SHISA9: variants seen among roughly 807,000 people sequenced by gnomAD.
The protein encoded by SHISA9 is shisa family member 9.
A neutral mutation model predicts 38.0 loss-of-function variants in SHISA9; 13 were observed. The observed-to-expected ratio is 0.34, with a 90% CI of 0.22 to 0.54. SHISA9 has a LOEUF of 0.54. SHISA9 is among the 20% of genes least tolerant of loss of function. The pLI, the probability that SHISA9 is intolerant of heterozygous loss-of-function variation, is 0.91. For missense variants in SHISA9, 538 were observed against 575.8 expected (o/e 0.93, Z 0.67); for synonymous variants, 275 against 242.0 (o/e 1.14, Z -1.27).
At chr16:13,545,587 G>T in the SHISA9 span, among the ~76,000 whole-genome samples, 3,201 of 152,242 alleles carry the variant, frequency 0.021, 50 homozygotes, top group Non-Finnish European at 0.031. Flanking sequence ...CATTGCTTCT[G>T]CTTGAGGTCT....
At chr16:13,486,649 C>G in the SHISA9 span, among the ~76,000 whole-genome samples, 1 of 152,134 alleles carries the variant, frequency 6.6e-6, no homozygotes, top group Admixed American at 6.5e-5. Context: ...TACTCTAGAG[C>G]CTAGCATAGC....
At chr16:13,473,652 T>TACTGCCAATTGCCTACCTA in the SHISA9 span, among the ~76,000 whole-genome samples, 1 of 152,206 alleles carries the variant, frequency 6.6e-6, no homozygotes, top group Non-Finnish European at 1.5e-5. Context: ...CTCCAGAAGA[T>TACTGCCAATTGCCTACCTA]ACTGCCAATT....
the SHISA9 span, among the ~76,000 whole-genome samples, chr16:13,252,520 G>T: frequency 6.6e-6 from 1 of 152,182 alleles, no homozygotes; most frequent in African/African-American, 2.4e-5. Context: ...TCATGCTGCA[G>T]TCTTCCTCCC....
the SHISA9 span, among the ~76,000 whole-genome samples, chr16:13,520,718 G>A: frequency 6.6e-6 from 1 of 150,986 alleles, no homozygotes; most frequent in South Asian, 2.1e-4. Context: ...AAAGGCATAT[G>A]TATGTGGAGG....
intron 2 of SHISA9, among the ~76,000 whole-genome samples, chr16:13,191,820 C>T (rs1164308971): frequency 2.6e-5 from 4 of 152,138 alleles, no homozygotes; most frequent in Non-Finnish European, 5.9e-5. Flanking sequence ...GCCTCATGGG[C>T]TAGGCAAAAG....
intron 2 of SHISA9, among the ~76,000 whole-genome samples, chr16:12,965,038 T>C (rs1337481337): frequency 6.6e-6 from 1 of 152,128 alleles, no homozygotes; most frequent in East Asian, 1.9e-4. Context: ...TATCTATCTA[T>C]ATATACACAC....
chr16:13,178,609 T>A (rs140095126), intron 2 of SHISA9, among the ~76,000 whole-genome samples: 20 of 152,108 alleles, frequency 1.3e-4, no homozygotes, highest in East Asian at 9.7e-4. Context: ...GTCCTCCCCG[T>A]CCCCAGCAAC....
At chr16:13,187,924 G>T (rs2050843931) in intron 2 of SHISA9, among the ~76,000 whole-genome samples, 1 of 152,130 alleles carries the variant, frequency 6.6e-6, no homozygotes, top group African/African-American at 2.4e-5. Context: ...ATTGTCTACA[G>T]GTTCCTCCAA....
intron 3 of SHISA9, among the ~76,000 whole-genome samples, chr16:13,209,335 T>C (rs1288135449): frequency 6.6e-6 from 1 of 152,136 alleles, no homozygotes; most frequent in South Asian, 2.1e-4. Context: ...TCCAGTCTGA[T>C]GGGAAAGACA....
the SHISA9 span, among the ~76,000 whole-genome samples, chr16:13,437,069 C>T: frequency 0.27 from 40,546 of 152,064 alleles, 6,547 homozygotes; most frequent in East Asian, 0.5. Flanking sequence ...TCAGTTACCT[C>T]CCACCGGGTC....
intron 2 of SHISA9, among the ~76,000 whole-genome samples, chr16:13,141,060 G>A (rs911019201): frequency 1.3e-5 from 2 of 152,054 alleles, no homozygotes; most frequent in Non-Finnish European, 2.9e-5. Flanking sequence ...GCCTTTCACC[G>A]AATCCCCTTA....
intron 2 of SHISA9, among the ~76,000 whole-genome samples, chr16:13,027,587 C>T (rs1010244099): frequency 6.6e-6 from 1 of 152,070 alleles, no homozygotes. Context: ...GGTACATCCA[C>T]ACAATGGAAT....
chr16:13,068,597 A>T (rs2073461898), intron 2 of SHISA9, among the ~76,000 whole-genome samples: 2 of 152,226 alleles, frequency 1.3e-5, no homozygotes, highest in Non-Finnish European at 2.9e-5. Flanking sequence ...GCAGCTCCGT[A>T]AACAAACGTG....
At chr16:13,134,440 C>G (rs183744530) in intron 2 of SHISA9, among the ~76,000 whole-genome samples, 11 of 151,904 alleles carry the variant, frequency 7.2e-5, no homozygotes, top group African/African-American at 2.4e-4. Flanking sequence ...TCTTCCCAGG[C>G]CAATGGGGGA....
chr16:13,372,466 C>T, the SHISA9 span, among the ~76,000 whole-genome samples: 117,368 of 151,952 alleles, frequency 0.77, 45,609 homozygotes, highest in East Asian at 0.96. Flanking sequence ...TTGCAACTTG[C>T]CCTAAAGCAA....
chr16:13,409,539 G>A, the SHISA9 span, among the ~76,000 whole-genome samples: 10 of 152,306 alleles, frequency 6.6e-5, no homozygotes, highest in East Asian at 1.9e-4. Flanking sequence ...GTGACCCCAC[G>A]CCCCTGTCAC....
chr16:13,435,414 C>T, the SHISA9 span, among the ~76,000 whole-genome samples: 1 of 152,148 alleles, frequency 6.6e-6, no homozygotes, highest in Non-Finnish European at 1.5e-5. Flanking sequence ...AACTATGTCA[C>T]AAGAAAGGAC....
At chr16:13,094,919 A>G (rs2141951582) in intron 2 of SHISA9, among the ~76,000 whole-genome samples, 1 of 152,290 alleles carries the variant, frequency 6.6e-6, no homozygotes, top group East Asian at 1.9e-4. Context: ...AAAAATTAAC[A>G]ATAACATATG....
chr16:13,394,236 G>A, the SHISA9 span, among the ~76,000 whole-genome samples: 2 of 152,156 alleles, frequency 1.3e-5, no homozygotes, highest in Admixed American at 6.5e-5. Context: ...TTCAAACCTA[G>A]CAGATTCCAG....
Sources: allele counts gnomAD v4.1 joint callset (sites outside exome capture counted in the v4.1 genomes callset), GRCh38; gene constraint gnomAD v4.1.1; transcripts MANE v1.5; gene names NCBI Gene and HGNC (gene_info 2026-07-23, HGNC 2026-07-21).